The following SLIT1 variants were observed in gnomAD, a reference collection of about 807,000 sequenced individuals.
SLIT1 encodes slit guidance ligand 1.
A neutral mutation model predicts 186.1 loss-of-function variants in SLIT1; 66 were observed. The ratio of observed to expected loss-of-function variants is 0.35; its 90% CI spans 0.29 to 0.44. The LOEUF (loss-of-function observed/expected upper bound fraction) is 0.44, where lower values mean the gene tolerates loss of function less well. SLIT1 is among the 20% of genes least tolerant of loss of function. The probability of loss-of-function intolerance (pLI) is 1.00; values close to 1 mark genes in which losing one functional copy is unlikely to be tolerated. For synonymous variants in SLIT1, 761 were observed against 833.8 expected (o/e 0.91, Z 1.50); for missense variants, 1,638 against 2,037.4 (o/e 0.80, Z 3.77).
At chr10:97,073,959 A>T (rs573605941) in intron 4 of SLIT1, among the ~76,000 whole-genome samples, 1 of 152,046 alleles carries the variant, frequency 6.6e-6, no homozygotes, top group African/African-American at 2.4e-5. Flanking sequence ...TCTGCCTGGG[A>T]TACTCTTCCC....
intron 20 of SLIT1, among the ~76,000 whole-genome samples, chr10:97,041,124 T>C (rs745669390): frequency 9.9e-5 from 15 of 152,210 alleles, no homozygotes; most frequent in Non-Finnish European, 1.9e-4. Context: ...AGCAACATCT[T>C]AGAAATATTC....
chr10:97,146,220 C>T (rs1005920674), intron 4 of SLIT1, among the ~76,000 whole-genome samples: 1 of 152,196 alleles, frequency 6.6e-6, no homozygotes, highest in Non-Finnish European at 1.5e-5. Context: ...GGAACCCCAT[C>T]GTTACTTCTT....
chr10:97,049,187 AG>A (rs1350063210), intron 13 of SLIT1, 69 bp from the exon 14 acceptor site: 41 of 1,542,286 alleles, frequency 2.7e-5, no homozygotes, highest in Non-Finnish European at 3.4e-5. Context: ...CCACCGGGAC[AG>A]GGCCTCGTTG....
chr10:97,155,407 G>A (rs1849936605), intron 4 of SLIT1: 1 of 152,264 alleles, frequency 6.6e-6, no homozygotes, highest in African/African-American at 2.4e-5. Flanking sequence ...AAAGAGAAGG[G>A]TGGACTCGAG....
At chr10:97,014,193 T>C (rs966155949) in intron 28 of SLIT1, 35 bp from the exon 29 acceptor site, 2 of 1,609,558 alleles carry the variant, frequency 1.2e-6, no homozygotes, top group African/African-American at 1.3e-5. Flanking sequence ...GAGACAGCCC[T>C]CTTGGAACAC....
intron 4 of SLIT1, among the ~76,000 whole-genome samples, chr10:97,079,268 A>G (rs1355471839): frequency 1.3e-5 from 2 of 152,134 alleles, no homozygotes; most frequent in Non-Finnish European, 2.9e-5. Flanking sequence ...GTTAGTCGGG[A>G]TGGGGGGTGC....
At chr10:97,151,416 T>G (rs1589412560) in intron 4 of SLIT1, among the ~76,000 whole-genome samples, 10 of 130,568 alleles carry the variant, frequency 7.7e-5, no homozygotes, top group African/African-American at 1.6e-4. Context: ...GGTGAGTGGG[T>G]GGGGAGTGCT....
chr10:97,054,707 G>A (rs1048262950), intron 13 of SLIT1, among the ~76,000 whole-genome samples: 14 of 152,132 alleles, frequency 9.2e-5, no homozygotes, highest in Non-Finnish European at 1.8e-4. Flanking sequence ...GAAGACAGAG[G>A]AACATGTGAA....
At chr10:97,054,258 T>TC (rs1255141689) in intron 13 of SLIT1, among the ~76,000 whole-genome samples, 3 of 151,374 alleles carry the variant, frequency 2.0e-5, no homozygotes, top group Non-Finnish European at 4.4e-5. Flanking sequence ...AGCATGGCAC[T>TC]CCCCCTCCCT....
At chr10:97,183,896 C>T (rs1277630585) in intron 1 of SLIT1, among the ~76,000 whole-genome samples, 1 of 152,012 alleles carries the variant, frequency 6.6e-6, no homozygotes, top group Non-Finnish European at 1.5e-5. Flanking sequence ...AGATTTCTGA[C>T]CCTCAGATCC....
chr10:97,160,896 T>C (rs1267625594), intron 3 of SLIT1, among the ~76,000 whole-genome samples: 1 of 152,008 alleles, frequency 6.6e-6, no homozygotes, highest in African/African-American at 2.4e-5. Flanking sequence ...AATTTTCATA[T>C]TTTTAGTAGA....
Position 97,097,205 on chromosome 10 carries a change from C to T in SLIT1, c.414-31119G>A, listed in dbSNP as rs116296112. ...CCACATCTCATCCCTACAGCTACTA[C>T]GCTGATGGGCCTGAGAAAGAGGATC... On this transcript the variant is annotated intron_variant, in intron 4 of 36. Transcript: ENST00000266058. 4.0e-3 allele frequency among the ~76,000 whole-genome samples: 615 copies of T among 152,352 alleles called. 7 individuals carry two copies. Among genetic ancestry groups the T allele is most frequent in the African/African-American group, 0.014 (600 of 41,586 alleles).
intron 4 of SLIT1, among the ~76,000 whole-genome samples, chr10:97,137,307 C>T (rs898754991): frequency 2.6e-5 from 4 of 152,160 alleles, no homozygotes; most frequent in Non-Finnish European, 5.9e-5. Flanking sequence ...ACCAAAATTC[C>T]AGAATCTCAG....
At chr10:97,072,331 T>TAAA (rs1162366303) in intron 4 of SLIT1, among the ~76,000 whole-genome samples, 2 of 152,144 alleles carry the variant, frequency 1.3e-5, no homozygotes, top group African/African-American at 4.8e-5. Context: ...GCTAATTTTT[T>TAAA]AAAAAATATT....
At chr10:97,091,634 G>A (rs960517525) in intron 4 of SLIT1, among the ~76,000 whole-genome samples, 10 of 152,118 alleles carry the variant, frequency 6.6e-5, no homozygotes, top group Admixed American at 2.0e-4. Context: ...GGCACATACC[G>A]CTTTATATTT....
intron 4 of SLIT1, among the ~76,000 whole-genome samples, chr10:97,117,919 A>G (rs982470127): frequency 6.6e-5 from 10 of 152,190 alleles, no homozygotes; most frequent in African/African-American, 2.4e-4. Context: ...CCCCAGGGGG[A>G]TCTGTCAAAA....
chr10:97,059,388 G>A, intron 11 of SLIT1, 72 bp downstream of exon 11: 1 of 1,273,474 alleles, frequency 7.9e-7, no homozygotes. Context: ...GCATCCACCA[G>A]GACCCTGGGC....
At chr10:97,171,993 C>T (rs1248372031) in intron 1 of SLIT1, among the ~76,000 whole-genome samples, 1 of 151,900 alleles carries the variant, frequency 6.6e-6, no homozygotes, top group Non-Finnish European at 1.5e-5. Context: ...ATCACAGGCC[C>T]ACAGAGCGCC....
At chr10:97,005,313 A>C (rs1197062639) in intron 32 of SLIT1, among the ~76,000 whole-genome samples, 1 of 152,202 alleles carries the variant, frequency 6.6e-6, no homozygotes, top group Non-Finnish European at 1.5e-5. Context: ...TGTCGCTGGA[A>C]CTGTGCAAGC....
Sources: gnomAD v4.1 joint callset for allele counts (sites outside exome capture counted in the v4.1 genomes callset) on GRCh38, gnomAD v4.1.1 for gene constraint, MANE v1.5 for transcripts, NCBI Gene and HGNC (gene_info 2026-07-23, HGNC 2026-07-21) for gene names.